The following ZZEF1 variants were observed in gnomAD, a reference collection of about 807,000 sequenced individuals.
ZZEF1 encodes zinc finger ZZ-type and EF-hand domain containing 1, also known as zinc finger ZZ-type and EF-hand domain-containing protein 1.
Under a neutral mutation model 342.8 loss-of-function variants are expected in ZZEF1, and 157 were observed. The ratio of observed to expected loss-of-function variants is 0.46; its 90% CI spans 0.40 to 0.52. ZZEF1 has a LOEUF of 0.52. ZZEF1 is among the 20% of genes least tolerant of loss of function. The pLI is 0.00. For synonymous variants in ZZEF1, 1,505 were observed against 1,429.1 expected (o/e 1.05, Z -1.20); for missense variants, 3,480 against 3,725.6 (o/e 0.93, Z 1.72).
intron 1 of ZZEF1, among the ~76,000 whole-genome samples, chr17:4,138,456 A>G (rs1181995026): frequency 2.0e-5 from 3 of 152,248 alleles, no homozygotes; most frequent in East Asian, 3.8e-4. Flanking sequence ...TTCAATGTCA[A>G]GAAATATTAA....
intron 52 of ZZEF1, among the ~76,000 whole-genome samples, chr17:4,011,027 T>G (rs1474828851): frequency 6.6e-6 from 1 of 151,696 alleles, no homozygotes; most frequent in Non-Finnish European, 1.5e-5. Context: ...AGTTCACAGC[T>G]GCAGTGGCTA....
chr17:4,076,796 T>A, intron 20 of ZZEF1, 37 bp from the exon 21 acceptor site: 1 of 1,611,420 alleles, frequency 6.2e-7, no homozygotes, highest in Non-Finnish European at 8.5e-7. Flanking sequence ...GCGTCCACCT[T>A]AGGCTGGGCC....
In ZZEF1 at chr17:4,112,720, C is replaced by T; in HGVS notation, c.955G>A (p.Val319Ile). ...DQSYMPQQVT[V>I]AVGRNASDLQ... ...TCGCTGGCATTCCTCCCTACAGCTA[C>T]TGTCACCTGCTGTGGCATGTAGCTC... Residue 319 changes from valine (V) to isoleucine (I), a missense_variant, in exon 5 of 55, where the codon GTA becomes ATA. Transcript: ENST00000381638. 6.2e-7 allele frequency: 1 copy of T among 1,614,108 alleles called. No homozygotes were observed. Among genetic ancestry groups the T allele is most frequent in the Non-Finnish European group, 8.5e-7 (1 of 1,179,926 alleles).
rs193198748 is a variant in ZZEF1 at position 4,036,629 on chromosome 17, G to A, written c.6307-2337C>T. On this transcript the variant is annotated intron_variant, in intron 39 of 54. Coordinates refer to ENST00000381638, the MANE Select transcript of ZZEF1 (RefSeq NM_015113.4). ...TGCCTGTAATCCCAGCTACTAGGAAGGCTGAGGCAGGAGAATCACTTGAAC... is the reference window on the plus strand; with the variant it reads ...TGCCTGTAATCCCAGCTACTAGGAAAGCTGAGGCAGGAGAATCACTTGAAC... Among the ~76,000 whole-genome samples the A allele has an allele frequency of 9.1e-4, 139 of 152,016 alleles. 1 individual carries two copies. The highest frequency in any genetic ancestry group is 1.4e-3 in the Non-Finnish European group (98 of 67,962).
At chr17:4,120,002 C>G (rs1597920957) in intron 2 of ZZEF1, among the ~76,000 whole-genome samples, 1 of 152,292 alleles carries the variant, frequency 6.6e-6, no homozygotes, top group East Asian at 1.9e-4. Flanking sequence ...TGGGTCTAAT[C>G]AAATTAAACA....
At chr17:4,065,559 A>T (rs2057375341) in intron 28 of ZZEF1, among the ~76,000 whole-genome samples, 1 of 152,174 alleles carries the variant, frequency 6.6e-6, no homozygotes, top group Non-Finnish European at 1.5e-5. Context: ...AGATGTTTTC[A>T]AACATGTATA....
chr17:4,035,245 A>G (rs1454201706), intron 39 of ZZEF1, among the ~76,000 whole-genome samples: 1 of 152,200 alleles, frequency 6.6e-6, no homozygotes, highest in Non-Finnish European at 1.5e-5. Context: ...AACCGAAGAA[A>G]GCTTTTACAA....
Position 4,032,892 on chromosome 17 carries a change from T to A in ZZEF1, c.6695A>T (p.Gln2232Leu), listed in dbSNP as rs188758309. ...GGTGTGCTTCAGCTGGAATGGCAGC[T>A]GCTTGATGCAGTGGTCTGTGAAGGT... ...IATFTDHCIK[Q>L]LPFQLKHTNI... is the part of the protein sequence containing the mutation. Residue 2232 changes from glutamine to leucine, a missense_variant, in exon 41 of 55, where the codon CAG becomes CTG. Around this residue, in one of 5 missense-constraint regions of ZZEF1, gnomAD observed 1,269 missense variants for 1,342.4 expected, o/e 0.95. Coordinates refer to ENST00000381638, the MANE Select transcript of ZZEF1 (RefSeq NM_015113.4). 156 of 1,614,188 alleles carry A rather than the reference T, an allele frequency of 9.7e-5. No individual in the cohort carries two copies. Among genetic ancestry groups the A allele is most frequent in the Non-Finnish European group, 1.3e-4 (149 of 1,180,022 alleles).
intron 33 of ZZEF1, among the ~76,000 whole-genome samples, chr17:4,054,546 G>A (rs922020470): frequency 3.3e-5 from 5 of 152,154 alleles, no homozygotes; most frequent in Non-Finnish European, 7.3e-5. Context: ...AAGGGAGGTG[G>A]GCATGTCAGA....
intron 16 of ZZEF1, among the ~76,000 whole-genome samples, 183 bp from the exon 17 acceptor site, chr17:4,082,687 T>A (rs1032530852): frequency 1.3e-5 from 2 of 152,014 alleles, no homozygotes; most frequent in African/African-American, 4.8e-5. Flanking sequence ...GAACCAACCA[T>A]CTAAATACAA....
chr17:4,045,414 T>G (rs879652383), intron 37 of ZZEF1, among the ~76,000 whole-genome samples: 1 of 152,256 alleles, frequency 6.6e-6, no homozygotes, highest in Non-Finnish European at 1.5e-5. Context: ...CTATCGTTAA[T>G]GTACTTTGTT....
At chr17:4,073,190 A>C (rs2057544137) in intron 24 of ZZEF1, among the ~76,000 whole-genome samples, 1 of 152,236 alleles carries the variant, frequency 6.6e-6, no homozygotes, top group Non-Finnish European at 1.5e-5. Context: ...GGAAATAAAA[A>C]TGCTAATAGC....
Position 4,058,115 on chromosome 17 carries a change from G to A in ZZEF1, c.5044C>T (p.Leu1682Phe), listed in dbSNP as rs373038311. Residue 1682 changes from leucine to phenylalanine, a missense_variant, in exon 32 of 55, where the codon CTT becomes TTT. Physicochemically the swap from Leu to Phe is conservative, Grantham distance 22. Around this residue, in one of 5 missense-constraint regions of ZZEF1, gnomAD observed 1,528 missense variants for 1,624.1 expected, o/e 0.94. Transcript: ENST00000381638. ...TCCCAGCCCATATCCAAAAGATGAA[G>A]CAGGGCTGTCTGAACACAGGATAAG... is the stretch of plus-strand genomic sequence containing the variant. ...PALSCVQTAL[L>F]HLLDMGWEPN... The A allele has an allele frequency of 3.2e-5, 52 of 1,613,862 alleles. No individual in the cohort carries two copies. Among genetic ancestry groups the A allele is most frequent in the Non-Finnish European group, 4.0e-5 (47 of 1,179,912 alleles).
At chr17:4,046,013 G>A (rs566552620) in intron 37 of ZZEF1, among the ~76,000 whole-genome samples, 1 of 152,186 alleles carries the variant, frequency 6.6e-6, no homozygotes, top group South Asian at 2.1e-4. Flanking sequence ...ATTTTTAGTA[G>A]AGATGAGGTT....
Position 4,054,039 on chromosome 17 carries a change from C to T in ZZEF1, c.5434+18G>A. 1 of 1,605,870 alleles carries T rather than the reference C, an allele frequency of 6.2e-7. No individual in the cohort carries two copies. The highest frequency in any genetic ancestry group is 8.5e-7 in the Non-Finnish European group (1 of 1,175,540). ...GATATTGCCTTTGGATACGGCGTACCCAGTTCATGAAATTTACCTAGGAAG... is the reference window on the plus strand; with the variant it reads ...GATATTGCCTTTGGATACGGCGTACTCAGTTCATGAAATTTACCTAGGAAG... On this transcript the variant is annotated intron_variant, in intron 34 of 54. Transcript: ENST00000381638.
At chr17:4,056,918 A>C (rs2057173862) in intron 32 of ZZEF1, 1 of 152,218 alleles carries the variant, frequency 6.6e-6, no homozygotes, top group South Asian at 2.1e-4. Context: ...TAATCTTATA[A>C]GTTCCTTTTG....
intron 8 of ZZEF1, among the ~76,000 whole-genome samples, chr17:4,102,747 T>C (rs1567843525): frequency 6.6e-6 from 1 of 152,236 alleles, no homozygotes; most frequent in Non-Finnish European, 1.5e-5. Context: ...GATACTGTTT[T>C]GGAGCCAATA....
intron 11 of ZZEF1, among the ~76,000 whole-genome samples, chr17:4,092,058 A>G (rs2057953004): frequency 6.9e-6 from 1 of 144,812 alleles, no homozygotes; most frequent in Admixed American, 7.1e-5. Flanking sequence ...CCTGGGCAAC[A>G]AGAGCGAAAC....
At position 4,104,808 on chromosome 17, in the gene ZZEF1, G is replaced by A. The variant is rs751035141; in HGVS notation, c.1398C>T (p.Cys466=). 15 of 1,606,204 alleles carry A rather than the reference G, an allele frequency of 9.3e-6. No individual in the cohort carries two copies. Among genetic ancestry groups the A allele is most frequent in the Admixed American group, 7.0e-5 (4 of 57,476 alleles). The stretch of plus-strand genomic sequence containing the variant: ...TCAGTTCTACCTCTGGGGTAGAACA[G>A]CAGCTATAAGCAAAGAGCAAAAACT... ...VDSFLIRITS[C]CSTPEVELTL... Residue 466 remains cysteine (C), a synonymous_variant, in exon 8 of 55, where the codon TGC becomes TGT. Coordinates refer to ENST00000381638, the MANE Select transcript of ZZEF1 (RefSeq NM_015113.4).
Sources: gnomAD v4.1 joint callset for allele counts (sites outside exome capture counted in the v4.1 genomes callset) on GRCh38, gnomAD v4.1.1 for gene constraint, gnomAD v4.1.1 regional missense constraint, MANE v1.5 for transcripts, NCBI Gene and HGNC (gene_info 2026-07-23, HGNC 2026-07-21) for gene names.